GPAM: variants seen among roughly 807,000 people sequenced by gnomAD.
The protein encoded by GPAM is glycerol-3-phosphate acyltransferase 1, mitochondrial.
A neutral mutation model predicts 105.0 loss-of-function variants in GPAM; 56 were observed. That is an observed-to-expected ratio of 0.53 (90% CI 0.43 to 0.67). The LOEUF (loss-of-function observed/expected upper bound fraction) is 0.67, where lower values mean the gene tolerates loss of function less well. GPAM is among the 30% of genes least tolerant of loss of function. GPAM has a pLI of 0.00. For synonymous variants in GPAM, 368 were observed against 354.4 expected, an observed-to-expected ratio of 1.04 and a Z score of -0.43; for missense variants, 855 against 989.8, an observed-to-expected ratio of 0.86 and a Z score of 1.83.
At chr10:112,186,166 A>G (rs1847593792), upstream of GPAM, among the ~76,000 whole-genome samples, 1 of 152,080 alleles carries the variant, frequency 6.6e-6, no homozygotes, top group South Asian at 2.1e-4. Flanking sequence ...TGTACAGAGG[A>G]ACAAAGATAA....
In GPAM at chr10:112,153,469, CCT is replaced by C. The variant is rs1412903350; in HGVS notation, c.*79_*80del. On this transcript the variant is annotated 3_prime_UTR_variant, in exon 22 of 22. Transcript: ENST00000348367. ...GGGCAGGCCTGACCCTGCGATGGCA[CCT>C]TCAACTCTTGAGCCAGAAGCTGGTA... 6.2e-7 allele frequency: 1 copy of C among 1,608,056 alleles called. No homozygotes were observed. Among genetic ancestry groups the C allele is most frequent in the Non-Finnish European group, 8.5e-7 (1 of 1,177,598 alleles).
At chr10:112,158,897 T>TATGA (rs1847068151) in intron 17 of GPAM, among the ~76,000 whole-genome samples, 1 of 152,064 alleles carries the variant, frequency 6.6e-6, no homozygotes, top group African/African-American at 2.4e-5. Flanking sequence ...CCACCCAAGG[T>TATGA]TCATGCAAAA....
chr10:112,214,513 A>G (rs1847947401), intron 1 of GPAM: 1 of 152,162 alleles, frequency 6.6e-6, no homozygotes, highest in Non-Finnish European at 1.5e-5. Context: ...GCTTTCCTCT[A>G]CAGTGAGAAA....
chr10:112,153,148 A>G lies in GPAM; in HGVS notation c.*402T>C, dbSNP rs371638485. On this transcript the variant is annotated 3_prime_UTR_variant, in exon 22 of 22. Transcript: ENST00000348367. The stretch of plus-strand genomic sequence containing the variant: ...ACCACTAACCAGATAATATACCAAC[A>G]AATTACCCAGCAGCACTAAGTATAC... The G allele has an allele frequency of 2.9e-6, 3 of 1,031,082 alleles. No individual in the cohort carries two copies. The African/African-American group carries it at 5.1e-5, about 17-fold the overall frequency. The allele number at this position is 1,031,082 out of a possible 1,614,324, so 63.9% of individuals were successfully genotyped here.
chr10:112,203,146 C>A (rs1008323692), intron 1 of GPAM, among the ~76,000 whole-genome samples: 13 of 152,274 alleles, frequency 8.5e-5, no homozygotes, highest in Non-Finnish European at 1.8e-4. Flanking sequence ...GTGAAACACT[C>A]AGTCTCCTCT....
chr10:112,224,604 C>T, the GPAM span, among the ~76,000 whole-genome samples: 1 of 152,080 alleles, frequency 6.6e-6, no homozygotes, highest in Admixed American at 6.5e-5. Flanking sequence ...GGCCTCTCTT[C>T]TCCTTGAAGC....
intron 15 of GPAM, among the ~76,000 whole-genome samples, chr10:112,161,275 G>C (rs1030544345): frequency 6.6e-6 from 1 of 152,128 alleles, no homozygotes; most frequent in Non-Finnish European, 1.5e-5. Context: ...AACAAGACTG[G>C]TGTGGTCTCT....
intron 11 of GPAM, among the ~76,000 whole-genome samples, chr10:112,167,239 G>T (rs1847233973): frequency 6.6e-6 from 1 of 152,110 alleles, no homozygotes; most frequent in Admixed American, 6.6e-5. Context: ...CTTGAAATAA[G>T]TACCTCAGCC....
At chr10:112,161,579 G>T in intron 15 of GPAM, 88 bp downstream of exon 15, 1 of 1,062,568 alleles carries the variant, frequency 9.4e-7, no homozygotes, top group Non-Finnish European at 1.4e-6. Flanking sequence ...CCATGAGTGG[G>T]CCAAATCTGC....
At chr10:112,224,767 T>A in the GPAM span, among the ~76,000 whole-genome samples, 24 of 152,102 alleles carry the variant, frequency 1.6e-4, no homozygotes, top group Admixed American at 1.1e-3. Context: ...AAGACCCTTA[T>A]GAATATTAAA....
chr10:112,200,782 A>G (rs1378001532), intron 1 of GPAM, among the ~76,000 whole-genome samples: 2 of 152,182 alleles, frequency 1.3e-5, no homozygotes, highest in Admixed American at 6.5e-5. Flanking sequence ...CAAGTATGCA[A>G]TAGTGTTTTG....
intron 5 of GPAM, among the ~76,000 whole-genome samples, chr10:112,177,255 G>A (rs1295134902): frequency 6.6e-6 from 1 of 151,990 alleles, no homozygotes; most frequent in East Asian, 1.9e-4. Context: ...TATCATAAGG[G>A]CTTCAAGTAG....
At chr10:112,225,348 T>A in the GPAM span, among the ~76,000 whole-genome samples, 1 of 152,152 alleles carries the variant, frequency 6.6e-6, no homozygotes. Flanking sequence ...TGGGGACCAT[T>A]GAGTCAAGTC....
Position 112,168,930 on chromosome 10 carries a change from C to T in GPAM, c.817G>A (p.Gly273Ser). The change falls in exon 10 of 22, where the codon GGC becomes AGC. Residue 273 changes from glycine (G) to serine (S), a missense_variant. Physicochemically the swap from Gly to Ser is moderately conservative, Grantham distance 56 (BLOSUM62 0). Transcript: ENST00000348367. ...IFSTLIHKLG[G>S]FFIRRRLDET... The stretch of plus-strand genomic sequence containing the variant: ...TCGAGCCTTCGTCGTATGAAGAAGC[C>T]CCCAAGCTTATGGATCAAGGTACTA... The T allele has an allele frequency of 6.2e-7, 1 of 1,606,960 alleles. No homozygotes were observed. The highest frequency in any genetic ancestry group is 8.5e-7 in the Non-Finnish European group (1 of 1,173,636).
rs979227995 is a variant in GPAM at position 112,152,555 on chromosome 10, A to T, written c.*995T>A. Reference sequence around the variant, plus strand: ...TCACCTGGACTGGGGTGCAGTACACAATCTGTGTGCAGTACAGAAAGCCCT... The same window carrying T: ...TCACCTGGACTGGGGTGCAGTACACTATCTGTGTGCAGTACAGAAAGCCCT... On this transcript the variant is annotated 3_prime_UTR_variant, in exon 22 of 22. Transcript: ENST00000348367. The T allele has an allele frequency of 1.0e-6, 1 of 985,420 alleles. No individual in the cohort carries two copies. The highest frequency in any genetic ancestry group is 1.2e-6 in the Non-Finnish European group (1 of 829,910). The allele number at this position is 985,420 out of a possible 1,614,324, so 61.0% of individuals were successfully genotyped here. A position where few individuals can be genotyped will look rare whatever the true frequency, so the allele number is the denominator to read the frequency against.
intron 1 of GPAM, among the ~76,000 whole-genome samples, chr10:112,214,987 C>A (rs1290530528): frequency 6.6e-6 from 1 of 152,188 alleles, no homozygotes; most frequent in Non-Finnish European, 1.5e-5. Context: ...TGCCCAAGCA[C>A]CTCAGTTTTG....
At chr10:112,155,785 A>C in intron 20 of GPAM, 79 bp downstream of exon 20, 1 of 893,660 alleles carries the variant, frequency 1.1e-6, no homozygotes, top group Non-Finnish European at 1.8e-6. Context: ...GCATTTTTCC[A>C]ATTTTCTACA....
chr10:112,203,040 G>C (rs1302227745), intron 1 of GPAM, among the ~76,000 whole-genome samples: 1 of 152,164 alleles, frequency 6.6e-6, no homozygotes, highest in African/African-American at 2.4e-5. Flanking sequence ...GTGCTTGACG[G>C]TGTGTAAGCA....
chr10:112,225,499 C>A, the GPAM span, among the ~76,000 whole-genome samples: 30 of 152,264 alleles, frequency 2.0e-4, no homozygotes, highest in African/African-American at 6.5e-4. Flanking sequence ...AGTCAGCCAG[C>A]CTGATTCCAC....
Sources: gnomAD v4.1 joint callset for allele counts (sites outside exome capture counted in the v4.1 genomes callset) on GRCh38, gnomAD v4.1.1 for gene constraint, MANE v1.5 for transcripts, NCBI Gene and HGNC (gene_info 2026-07-23, HGNC 2026-07-21) for gene names.